TCF7: variants seen among roughly 807,000 people sequenced by gnomAD.
TCF7 encodes the protein T-cell-factor-7.
Under a neutral mutation model 46.8 loss-of-function variants are expected in TCF7, and 19 were observed. The observed-to-expected ratio is 0.41, with a 90% CI of 0.28 to 0.60. TCF7 has a LOEUF of 0.60. Ranked by LOEUF, TCF7 falls within the 20% of genes least tolerant of loss-of-function variation. The pLI is 0.35. For synonymous variants in TCF7, 245 were observed against 213.4 expected (o/e 1.15, Z -1.29); for missense variants, 547 against 504.6 (o/e 1.08, Z -0.81).
chr5:134,140,755 C>G (rs1420542898), intron 5 of TCF7: 1 of 454,990 alleles, frequency 2.2e-6, no homozygotes, highest in Non-Finnish European at 4.4e-6. Context: ...TCGTGTCTGG[C>G]CAGCAGCCAG....
At position 134,142,728 on chromosome 5, in the gene TCF7, C is replaced by G; in HGVS notation, c.763C>G (p.Gln255Glu). Reference sequence around the variant, plus strand: ...TGGATTTGTGCCCCTCAGGAAGACACAAGCAGAGTCCAAGGCAGAGAAGGA... The same window carrying G: ...TGGATTTGTGCCCCTCAGGAAGACAGAAGCAGAGTCCAAGGCAGAGAAGGA... ...LQPFDRNLKT[Q>E]AESKAEKEAK... Residue 255 changes from glutamine to glutamate, a missense_variant, in exon 7 of 10, where the codon CAA becomes GAA. Gln to Glu is a conservative substitution (Grantham distance 29). Transcript: ENST00000342854. 6.2e-7 allele frequency: 1 copy of G among 1,613,944 alleles called. No homozygotes were observed. The highest frequency in any genetic ancestry group is 8.5e-7 in the Non-Finnish European group (1 of 1,179,888).
At position 134,139,025 on chromosome 5, in the gene TCF7, C is replaced by G. The variant is rs760317594; in HGVS notation, c.622C>G (p.His208Asp). The G allele has an allele frequency of 3.4e-5, 55 of 1,613,886 alleles. No individual in the cohort carries two copies. The highest frequency in any genetic ancestry group is 4.7e-5 in the Non-Finnish European group (55 of 1,180,008). The part of the protein sequence containing the change: ...LTSGSMGQLP[H>D]TVSWFTHPSL... ...CTCAGGCAGCATGGGGCAGCTCCCC[C>G]ACACTGTGAGCTGGTGAGTGTGGGC... Residue 208 changes from histidine (H) to aspartate (D), a missense_variant, in exon 5 of 10, where the codon CAC becomes GAC. Coordinates refer to ENST00000342854, the MANE Select transcript of TCF7 (RefSeq NM_003202.5).
At chr5:134,122,675 C>T (rs566402661) in intron 3 of TCF7, among the ~76,000 whole-genome samples, 11 of 152,172 alleles carry the variant, frequency 7.2e-5, no homozygotes, top group Non-Finnish European at 1.5e-4. Context: ...CAAGCCGCAG[C>T]CCCCCTGAGC....
chr5:134,114,143 T>C (rs554637065), upstream of TCF7, among the ~76,000 whole-genome samples: 1 of 152,160 alleles, frequency 6.6e-6, no homozygotes, highest in Non-Finnish European at 1.5e-5. Context: ...ATGTTCGCAC[T>C]GTATGCAGGC....
At chr5:134,115,187 G>A in intron 1 of TCF7, 32 bp downstream of exon 1, 2 of 1,074,780 alleles carry the variant, frequency 1.9e-6, no homozygotes, top group Non-Finnish European at 2.3e-6. Context: ...CTCCTCCCCC[G>A]CGGTCGCCGC....
chr5:134,143,463 C>A, intron 8 of TCF7, 129 bp from the exon 9 acceptor site: 3 of 1,105,286 alleles, frequency 2.7e-6, no homozygotes, highest in Non-Finnish European at 4.2e-6. Context: ...AATCAAGAAA[C>A]ACCAGCACCC....
intron 3 of TCF7, among the ~76,000 whole-genome samples, chr5:134,129,310 C>T (rs913224341): frequency 6.6e-6 from 1 of 152,202 alleles, no homozygotes; most frequent in Non-Finnish European, 1.5e-5. Flanking sequence ...CTGCAAAGCC[C>T]CCAGGGAAAC....
chr5:134,145,802 T>C (rs374848346), intron 9 of TCF7: 2 of 1,613,752 alleles, frequency 1.2e-6, no homozygotes, highest in African/African-American at 2.7e-5. Flanking sequence ...CCATGTCTTC[T>C]TCCTCTAGCC....
chr5:134,137,380 C>T (rs1374157349), intron 3 of TCF7, among the ~76,000 whole-genome samples: 5 of 145,300 alleles, frequency 3.4e-5, no homozygotes, highest in East Asian at 2.0e-4. Context: ...GAGCCGAGAT[C>T]GCGCCACTGT....
At chr5:134,127,682 C>T (rs1298887359) in intron 3 of TCF7, among the ~76,000 whole-genome samples, 1 of 152,248 alleles carries the variant, frequency 6.6e-6, no homozygotes, top group Non-Finnish European at 1.5e-5. Flanking sequence ...GCCAGCCCCA[C>T]TGGGGCACGT....
chr5:134,113,160 A>G (rs988352652), upstream of TCF7, among the ~76,000 whole-genome samples: 2 of 152,162 alleles, frequency 1.3e-5, no homozygotes, highest in Non-Finnish European at 1.5e-5. Flanking sequence ...GGCGAGACTA[A>G]GCGGCAAGCC....
intron 3 of TCF7, among the ~76,000 whole-genome samples, chr5:134,129,309 C>A (rs954777201): frequency 3.3e-5 from 5 of 152,158 alleles, no homozygotes; most frequent in Non-Finnish European, 5.9e-5. Context: ...TCTGCAAAGC[C>A]CCCAGGGAAA....
In TCF7 at chr5:134,115,906, C is replaced by G; in HGVS notation, c.317-3C>G. On this transcript the variant is annotated splice_region_variant and splice_polypyrimidine_tract_variant and intron_variant, in intron 2 of 9. Transcript: ENST00000342854. The stretch of plus-strand genomic sequence containing the variant: ...GTGTCTGACCCAGCTGTGGTTTTTC[C>G]AGGCCTGAAGGCCCCGGAGTGCACC... 1 of 1,613,926 alleles carries G rather than the reference C, an allele frequency of 6.2e-7. No homozygotes were observed. Among genetic ancestry groups the G allele is most frequent in the East Asian group, 2.2e-5 (1 of 44,880 alleles).
intron 3 of TCF7, among the ~76,000 whole-genome samples, chr5:134,132,256 A>G (rs189730698): frequency 2.8e-3 from 428 of 152,106 alleles, no homozygotes; most frequent in Non-Finnish European, 2.7e-3. Flanking sequence ...TCTGAGTTCA[A>G]CTCTGCACGG....
At chr5:134,137,996 C>T in intron 3 of TCF7, 63 bp from the exon 4 acceptor site, 1 of 1,358,418 alleles carries the variant, frequency 7.4e-7, no homozygotes, top group Non-Finnish European at 1.0e-6. Flanking sequence ...TGTATACCCT[C>T]ATCCCAGTGT....
intron 5 of TCF7, chr5:134,141,211 CCT>C (rs1217776314): frequency 1.9e-5 from 3 of 159,114 alleles, no homozygotes; most frequent in Non-Finnish European, 2.8e-5. Context: ...CTGGGCATCC[CCT>C]GAGCTTTGCC....
chr5:134,131,643 A>G (rs1033367686), intron 3 of TCF7, among the ~76,000 whole-genome samples: 1 of 152,186 alleles, frequency 6.6e-6, no homozygotes, highest in African/African-American at 2.4e-5. Flanking sequence ...CCTTCATGCA[A>G]CAAGCCTGCT....
chr5:134,143,366 G>A (rs758536276), intron 8 of TCF7: 5 of 784,798 alleles, frequency 6.4e-6, no homozygotes, highest in Non-Finnish European at 1.1e-5. Context: ...GGGTCTGGAA[G>A]TCACCTCCTT....
In TCF7 at chr5:134,130,435, C is replaced by T. The variant is rs149662209; in HGVS notation, c.442-7624C>T. The stretch of plus-strand genomic sequence containing the variant: ...CAGTGCAAAGAAGGAAAGTGAGAAC[C>T]GGAGGGGCTGTGCCAGGGGAGCTGG... On this transcript the variant is annotated intron_variant, in intron 3 of 9. Coordinates refer to ENST00000342854, the MANE Select transcript of TCF7 (RefSeq NM_003202.5). 3.9e-3 allele frequency among the ~76,000 whole-genome samples: 599 copies of T among 152,284 alleles called. 7 individuals carry two copies. The highest frequency in any genetic ancestry group is 0.013 in the African/African-American group (550 of 41,570).
Sources: allele counts gnomAD v4.1 joint callset (sites outside exome capture counted in the v4.1 genomes callset), GRCh38; gene constraint gnomAD v4.1.1; transcripts MANE v1.5; gene names NCBI Gene and HGNC (gene_info 2026-07-23, HGNC 2026-07-21).